Variants in COP1 observed in about 807,000 individuals in gnomAD.
COP1 encodes E3 ubiquitin-protein ligase COP1.
A neutral mutation model predicts 101.3 loss-of-function variants in COP1; 24 were observed. The observed-to-expected ratio is 0.24, with a 90% CI of 0.17 to 0.33. The LOEUF is 0.33. Ranked by LOEUF, COP1 falls within the 10% of genes least tolerant of loss-of-function variation. COP1 has a pLI of 1.00. For synonymous variants in COP1, 347 were observed against 341.9 expected, an observed-to-expected ratio of 1.01 and a Z score of -0.17; for missense variants, 663 against 906.2, an observed-to-expected ratio of 0.73 and a Z score of 3.45.
intron 9 of COP1, among the ~76,000 whole-genome samples, chr1:176,109,192 C>T (rs139897208): frequency 2.6e-5 from 4 of 152,180 alleles, no homozygotes; most frequent in African/African-American, 4.8e-5. Flanking sequence ...CTAATTATGA[C>T]GCCTTTCTCA....
At chr1:176,037,284 G>A (rs566203251) in intron 14 of COP1, among the ~76,000 whole-genome samples, 46 of 151,994 alleles carry the variant, frequency 3.0e-4, no homozygotes, top group Middle Eastern at 3.4e-3. Context: ...GCGGGTGCCC[G>A]TAGTCCCAGC....
chr1:176,199,847 C>T (rs572979732), intron 1 of COP1, among the ~76,000 whole-genome samples: 8 of 152,218 alleles, frequency 5.3e-5, no homozygotes, highest in Non-Finnish European at 8.8e-5. Context: ...AGGGTGGTGA[C>T]TGCACAGGTG....
rs1680039106 is a variant in COP1 at position 176,085,869 on chromosome 1, T to A, written c.1048A>T (p.Asn350Tyr). 7 of 1,601,562 alleles carry A rather than the reference T, an allele frequency of 4.4e-6. No homozygotes were observed. The highest frequency in any genetic ancestry group is 6.0e-6 in the Non-Finnish European group (7 of 1,170,402). ...TTTCGTCTTGATGCTAACGTGCTAT[T>A]ATACCAAGGCTGTTTCTTTGTCTAA... is the stretch of plus-strand genomic sequence containing the variant. ...SSQTKKQPWY[N>Y]STLASRRKRL... The change falls in exon 10 of 20, where the codon AAT becomes TAT. Residue 350 changes from asparagine to tyrosine, a missense_variant. Physicochemically the swap from Asn to Tyr is moderately radical, Grantham distance 143. Coordinates refer to ENST00000367669, the MANE Select transcript of COP1 (RefSeq NM_022457.7).
chr1:175,961,037 C>T (rs1651276289), intron 18 of COP1, among the ~76,000 whole-genome samples: 1 of 152,204 alleles, frequency 6.6e-6, no homozygotes, highest in South Asian at 2.1e-4. Context: ...AGCTGGGACA[C>T]TCTTCTCCTG....
chr1:176,184,506 G>T, intron 2 of COP1, 127 bp downstream of exon 2: 1 of 701,404 alleles, frequency 1.4e-6, no homozygotes, highest in Non-Finnish European at 2.4e-6. Flanking sequence ...ACAAAGACAT[G>T]TCAAGAAAAA....
intron 11 of COP1, among the ~76,000 whole-genome samples, chr1:176,065,080 A>T (rs751060599): frequency 5.6e-4 from 86 of 152,234 alleles, no homozygotes; most frequent in Non-Finnish European, 1.1e-3. Context: ...GAAATAACCC[A>T]ATAAACTAAT....
intron 6 of COP1, among the ~76,000 whole-genome samples, chr1:176,141,988 G>A (rs750788368): frequency 5.8e-4 from 88 of 151,704 alleles, no homozygotes; most frequent in African/African-American, 1.8e-3. Flanking sequence ...TCCTACCTTC[G>A]CCAACGTGTT....
Position 176,015,638 on chromosome 1 carries a change from T to C in COP1, c.1729+11934A>G, listed in dbSNP as rs143120211. 1.9e-3 allele frequency among the ~76,000 whole-genome samples: 295 copies of C among 152,330 alleles called. 8 individuals carry two copies. The East Asian group carries it at 0.048, about 25-fold the overall frequency. ...AAGTTAAGCTGCCTGGTTACAGTAA[T>C]GGCTTGAACTAGAGATAACTCAATT... On this transcript the variant is annotated intron_variant, in intron 15 of 19. Transcript: ENST00000367669.
chr1:176,140,044 AAATT>A (rs1690431441), intron 6 of COP1, among the ~76,000 whole-genome samples: 1 of 152,218 alleles, frequency 6.6e-6, no homozygotes, highest in Non-Finnish European at 1.5e-5. Flanking sequence ...AATTGAAATC[AAATT>A]AATTTTTATT....
intron 18 of COP1, among the ~76,000 whole-genome samples, chr1:175,986,212 G>T (rs1050217270): frequency 6.6e-6 from 1 of 151,978 alleles, no homozygotes; most frequent in Non-Finnish European, 1.5e-5. Context: ...GTAGAGACAG[G>T]GTTTCACCGT....
At chr1:176,119,641 TAC>T (rs10531356) in intron 8 of COP1, among the ~76,000 whole-genome samples, 81,053 of 149,632 alleles carry the variant, frequency 0.54, 21,839 homozygotes, top group Middle Eastern at 0.63. Flanking sequence ...TATACATTCA[TAC>T]ACACACACAC....
At chr1:176,151,952 ATTTTT>A (rs34038117) in intron 5 of COP1, among the ~76,000 whole-genome samples, 1 of 140,260 alleles carries the variant, frequency 7.1e-6, no homozygotes, top group Non-Finnish European at 1.6e-5. Flanking sequence ...TTTTGAGGGC[ATTTTT>A]TTTTTTTTTT....
intron 15 of COP1, among the ~76,000 whole-genome samples, chr1:176,013,721 C>A (rs748897908): frequency 2.0e-5 from 3 of 152,092 alleles, no homozygotes; most frequent in Non-Finnish European, 2.9e-5. Context: ...ACAAAAGGAC[C>A]TTTTATAGCT....
intron 3 of COP1, among the ~76,000 whole-genome samples, chr1:176,164,144 A>G (rs1694748342): frequency 6.6e-6 from 1 of 152,240 alleles, no homozygotes; most frequent in Non-Finnish European, 1.5e-5. Context: ...ATGTTTCTCA[A>G]TGATGACGCT....
At chr1:176,164,315 G>T (rs761372461) in intron 3 of COP1, among the ~76,000 whole-genome samples, 8 of 152,150 alleles carry the variant, frequency 5.3e-5, no homozygotes, top group Non-Finnish European at 1.2e-4. Flanking sequence ...TACCATGGAA[G>T]ACACTTTTAG....
intron 1 of COP1, among the ~76,000 whole-genome samples, chr1:176,203,038 T>C (rs1700435597): frequency 6.6e-6 from 1 of 152,078 alleles, no homozygotes; most frequent in African/African-American, 2.4e-5. Flanking sequence ...AAGCAGATGA[T>C]TAAAAGTCAA....
At chr1:176,005,130 T>A (rs1028758119) in intron 15 of COP1, among the ~76,000 whole-genome samples, 1 of 152,180 alleles carries the variant, frequency 6.6e-6, no homozygotes, top group Non-Finnish European at 1.5e-5. Context: ...ATTTTCTAGT[T>A]TATTTGTGTA....
intron 15 of COP1, among the ~76,000 whole-genome samples, chr1:176,003,947 G>C (rs1662435082): frequency 6.6e-6 from 1 of 151,886 alleles, no homozygotes; most frequent in African/African-American, 2.4e-5. Flanking sequence ...TGGGCAGTAT[G>C]GCCATTTTCA....
At chr1:176,099,498 C>G (rs1436920246) in intron 9 of COP1, among the ~76,000 whole-genome samples, 1 of 127,282 alleles carries the variant, frequency 7.9e-6, no homozygotes, top group African/African-American at 3.0e-5. Context: ...AAATTTGGAG[C>G]ATATTTGTCT....
Sources: allele counts gnomAD v4.1 joint callset (sites outside exome capture counted in the v4.1 genomes callset), GRCh38; gene constraint gnomAD v4.1.1; transcripts MANE v1.5; gene names NCBI Gene and HGNC (gene_info 2026-07-23, HGNC 2026-07-21).